FAF1: variants seen among roughly 807,000 people sequenced by gnomAD.
The protein encoded by FAF1 is Fas associated factor 1.
Under a neutral mutation model 92.5 loss-of-function variants are expected in FAF1, and 25 were observed. The observed-to-expected ratio is 0.27, with a 90% CI of 0.20 to 0.38. FAF1 has a LOEUF of 0.38. Among genes scored for constraint, FAF1 ranks in the 10% least tolerant of loss-of-function variants. The pLI is 1.00. For synonymous variants in FAF1, 234 were observed against 273.2 expected, an observed-to-expected ratio of 0.86 and a Z score of 1.42; for missense variants, 636 against 793.3, an observed-to-expected ratio of 0.80 and a Z score of 2.38.
intron 7 of FAF1, among the ~76,000 whole-genome samples, chr1:50,657,450 C>T (rs1488766695): frequency 1.3e-5 from 2 of 151,828 alleles, no homozygotes; most frequent in Non-Finnish European, 2.9e-5. Flanking sequence ...TAATCCCAAC[C>T]CTTTGGGAGG....
At chr1:50,572,543 T>A (rs116151857) in intron 12 of FAF1, among the ~76,000 whole-genome samples, 1 of 152,230 alleles carries the variant, frequency 6.6e-6, no homozygotes, top group Non-Finnish European at 1.5e-5. Context: ...TGGATGTTCA[T>A]AGGTACCACA....
rs1044836627 is a variant in FAF1, at chr1:50,505,489, C to G, written c.1495-13688G>C. On this transcript the variant is annotated intron_variant, in intron 15 of 18. Coordinates refer to ENST00000396153, the MANE Select transcript of FAF1 (RefSeq NM_007051.3). ...AATGGTCACTGATAAAAGCTGAATA[C>G]TATGTTCTGTGGATACTTCTCTGGT... 1.3e-5 allele frequency among the ~76,000 whole-genome samples: 2 copies of G among 152,090 alleles called. 1 individual carries two copies. The highest frequency in any genetic ancestry group is 4.1e-4 in the South Asian group (2 of 4,826).
intron 15 of FAF1, among the ~76,000 whole-genome samples, chr1:50,521,819 A>G (rs1647512847): frequency 6.6e-6 from 1 of 152,234 alleles, no homozygotes; most frequent in Non-Finnish European, 1.5e-5. Flanking sequence ...AGCTTGTCAA[A>G]AAGTGTTACT....
chr1:50,748,765 T>C (rs1016417951), intron 4 of FAF1, among the ~76,000 whole-genome samples: 2 of 152,234 alleles, frequency 1.3e-5, no homozygotes, highest in Non-Finnish European at 2.9e-5. Context: ...TATAATTCAA[T>C]TCCATTTACA....
Position 50,729,058 on chromosome 1 carries a change from A to ATATATT in FAF1, c.551+9804_551+9805insAATATA, listed in dbSNP as rs1375923156. Among the ~76,000 whole-genome samples, 222 of 70,074 alleles carry ATATATT rather than the reference A, an allele frequency of 3.2e-3. 2 individuals carry two copies. The highest frequency in any genetic ancestry group is 0.01 in the African/African-American group (172 of 16,902). The allele number at this position is 70,074 out of a possible 152,430, so 46.0% of individuals were successfully genotyped here. ...TCTATATATATATATATATATATAT[A>ATATATT]TTTTTTTTTTTTTTGAGGCAGAGTT... On this transcript the variant is annotated intron_variant, in intron 6 of 18. Coordinates refer to ENST00000396153, the MANE Select transcript of FAF1 (RefSeq NM_007051.3).
chr1:50,617,693 GTTTTT>G (rs61376152), intron 8 of FAF1, among the ~76,000 whole-genome samples: 2 of 119,216 alleles, frequency 1.7e-5, no homozygotes, highest in African/African-American at 6.0e-5. Context: ...CTCCTCTTCT[GTTTTT>G]TTTTTTTTTT....
chr1:50,944,513 C>T (rs892737181), intron 1 of FAF1, among the ~76,000 whole-genome samples: 10 of 152,160 alleles, frequency 6.6e-5, no homozygotes, highest in Admixed American at 6.5e-4. Context: ...ACCTTTTTCC[C>T]AATCACCTTT....
chr1:50,674,589 T>C (rs1340033309), intron 7 of FAF1, among the ~76,000 whole-genome samples: 1 of 152,220 alleles, frequency 6.6e-6, no homozygotes, highest in Non-Finnish European at 1.5e-5. Flanking sequence ...GTGAATATTG[T>C]CATGCAGTCC....
chr1:50,510,204 T>C (rs1647116527), intron 15 of FAF1, among the ~76,000 whole-genome samples: 1 of 151,244 alleles, frequency 6.6e-6, no homozygotes, highest in Admixed American at 6.6e-5. Context: ...AAAACTCCAG[T>C]AACTAGATTA....
At chr1:50,918,900 T>C (rs1644941332) in intron 1 of FAF1, among the ~76,000 whole-genome samples, 1 of 151,462 alleles carries the variant, frequency 6.6e-6, no homozygotes, top group South Asian at 2.1e-4. Flanking sequence ...TGGTGTGAGA[T>C]GATATCTCAT....
intron 17 of FAF1, among the ~76,000 whole-genome samples, chr1:50,482,132 C>T (rs1276033809): frequency 1.3e-5 from 2 of 152,106 alleles, no homozygotes; most frequent in South Asian, 2.1e-4. Context: ...CCTCTCTCCC[C>T]GTTCAAATTT....
intron 2 of FAF1, among the ~76,000 whole-genome samples, chr1:50,808,780 G>T (rs1662308739): frequency 6.6e-6 from 1 of 150,912 alleles, no homozygotes; most frequent in South Asian, 2.1e-4. Flanking sequence ...CTATTTTATT[G>T]TTTACCCAAA....
intron 5 of FAF1, among the ~76,000 whole-genome samples, chr1:50,743,415 C>T (rs1210572152): frequency 1.3e-5 from 2 of 152,082 alleles, no homozygotes; most frequent in African/African-American, 2.4e-5. Context: ...GCAGCCTCCA[C>T]CTTGTGGGTT....
chr1:50,553,642 C>T (rs533261126), intron 13 of FAF1, among the ~76,000 whole-genome samples: 9 of 152,080 alleles, frequency 5.9e-5, no homozygotes, highest in African/African-American at 9.7e-5. Flanking sequence ...TGCTTGATCC[C>T]GGCACCTTTA....
At chr1:50,862,416 AGC>A (rs1644443318) in intron 1 of FAF1, among the ~76,000 whole-genome samples, 1 of 151,896 alleles carries the variant, frequency 6.6e-6, no homozygotes, top group African/African-American at 2.4e-5. Context: ...GATGGTAACG[AGC>A]AACTGGCAAG....
At chr1:50,619,219 G>T (rs530683926) in intron 8 of FAF1, among the ~76,000 whole-genome samples, 1 of 152,124 alleles carries the variant, frequency 6.6e-6, no homozygotes, top group South Asian at 2.1e-4. Context: ...TAAGTGAGGC[G>T]TTTAGCCCAT....
At chr1:50,928,477 T>C (rs1645022952) in intron 1 of FAF1, among the ~76,000 whole-genome samples, 1 of 152,150 alleles carries the variant, frequency 6.6e-6, no homozygotes, top group Admixed American at 6.5e-5. Context: ...AAATAGGTGT[T>C]CTGTATTTAA....
At chr1:50,585,803 G>A (rs1651198402) in intron 9 of FAF1, among the ~76,000 whole-genome samples, 1 of 149,072 alleles carries the variant, frequency 6.7e-6, no homozygotes, top group East Asian at 2.0e-4. Flanking sequence ...TAAATATTTT[G>A]CCAGAAAAGC....
chr1:50,569,046 G>A (rs1195545039), intron 12 of FAF1, among the ~76,000 whole-genome samples: 1 of 152,084 alleles, frequency 6.6e-6, no homozygotes, highest in Admixed American at 6.6e-5. Flanking sequence ...GAAAGACTCG[G>A]GGTTTCTTCA....
Sources: allele counts gnomAD v4.1 joint callset (sites outside exome capture counted in the v4.1 genomes callset), GRCh38; gene constraint gnomAD v4.1.1; transcripts MANE v1.5; gene names NCBI Gene and HGNC (gene_info 2026-07-23, HGNC 2026-07-21).